Variants in FHIT observed in about 807,000 individuals in gnomAD.
FHIT encodes bis(5'-adenosyl)-triphosphatase.
In FHIT, 19 loss-of-function variants were observed where a neutral mutation model predicts 17.9. That is an observed-to-expected ratio of 1.06 (90% CI 0.74 to 1.56). FHIT has a LOEUF of 1.56. Ranked by LOEUF, FHIT falls within the 40% of genes most tolerant of loss-of-function variation. The pLI is 0.00. For missense variants in FHIT, 248 were observed against 189.2 expected (o/e 1.31, Z -1.82); for synonymous variants, 81 against 69.7 (o/e 1.16, Z -0.81).
intron 5 of FHIT, among the ~76,000 whole-genome samples, chr3:60,211,442 T>A (rs901094280): frequency 6.6e-6 from 1 of 152,156 alleles, no homozygotes; most frequent in African/African-American, 2.4e-5. Context: ...TCATAAATAT[T>A]CTACATAATT....
At chr3:60,964,374 G>A (rs1368239621) in intron 3 of FHIT, among the ~76,000 whole-genome samples, 1 of 151,994 alleles carries the variant, frequency 6.6e-6, no homozygotes, top group African/African-American at 2.4e-5. Context: ...GATGGGTCTT[G>A]ACTCTTTATC....
At chr3:60,124,386 C>CA (rs554881263) in intron 5 of FHIT, among the ~76,000 whole-genome samples, 175 of 150,756 alleles carry the variant, frequency 1.2e-3, no homozygotes, top group East Asian at 1.6e-3. Flanking sequence ...GTCTATCTTT[C>CA]AAAAAAAAAT....
chr3:59,894,935 A>G (rs1051196405), intron 8 of FHIT, among the ~76,000 whole-genome samples: 3 of 152,242 alleles, frequency 2.0e-5, no homozygotes, highest in African/African-American at 7.2e-5. Context: ...CAAACCTGGC[A>G]GGTGATGAGA....
chr3:60,264,047 G>C (rs1414953861), intron 5 of FHIT, among the ~76,000 whole-genome samples: 2 of 151,602 alleles, frequency 1.3e-5, no homozygotes, highest in African/African-American at 4.8e-5. Context: ...GTTAGCTAAG[G>C]GTACCATCAA....
At chr3:59,989,909 C>A (rs661793) in intron 7 of FHIT, among the ~76,000 whole-genome samples, 1 of 152,070 alleles carries the variant, frequency 6.6e-6, no homozygotes, top group South Asian at 2.1e-4. Flanking sequence ...CCTCCCCACT[C>A]TTCCTCCACA....
chr3:60,412,040 T>C, intron 5 of FHIT, among the ~76,000 whole-genome samples: 1 of 152,058 alleles, frequency 6.6e-6, no homozygotes, highest in East Asian at 1.9e-4. Context: ...TGTATTATCT[T>C]CAGAGAAGAT....
intron 7 of FHIT, among the ~76,000 whole-genome samples, chr3:59,940,397 T>C (rs935541570): frequency 1.3e-5 from 2 of 152,188 alleles, no homozygotes; most frequent in African/African-American, 4.8e-5. Flanking sequence ...ATTACTCTAC[T>C]GAAGTCTAAT....
At chr3:60,474,018 A>C (rs2107455798) in intron 5 of FHIT, among the ~76,000 whole-genome samples, 1 of 152,220 alleles carries the variant, frequency 6.6e-6, no homozygotes, top group South Asian at 2.1e-4. Context: ...CATTTAAAGA[A>C]CCTCATACTC....
In FHIT at chr3:61,036,823, C is replaced by T. The variant is rs187083092; in HGVS notation, c.-111+5224G>A. On this transcript the variant is annotated intron_variant, in intron 3 of 9. Coordinates refer to ENST00000492590, the MANE Select transcript of FHIT (RefSeq NM_002012.4). ...AAAGTGAGAACACAGATCAATTACC[C>T]GAGAGTTCTGGGCTTTCTCACTGAC... is the stretch of plus-strand genomic sequence containing the variant. Among the ~76,000 whole-genome samples the T allele has an allele frequency of 1.3e-4, 19 of 151,754 alleles. 1 individual carries two copies. The highest frequency in any genetic ancestry group is 9.8e-4 in the Admixed American group (15 of 15,258).
At chr3:60,071,038 G>C (rs1411344776) in intron 5 of FHIT, among the ~76,000 whole-genome samples, 2 of 152,164 alleles carry the variant, frequency 1.3e-5, no homozygotes, top group African/African-American at 4.8e-5. Context: ...ACCGTAGTCA[G>C]CAAAGCCCCT....
chr3:60,267,193 A>C (rs1362239301), intron 5 of FHIT, among the ~76,000 whole-genome samples: 1 of 152,058 alleles, frequency 6.6e-6, no homozygotes, highest in Non-Finnish European at 1.5e-5. Context: ...TATTACTTAG[A>C]GATACAGAGA....
In FHIT at chr3:60,597,817, T is replaced by A. The variant is rs540794253; in HGVS notation, c.-17-60838A>T. 2.6e-5 allele frequency among the ~76,000 whole-genome samples: 4 copies of A among 152,262 alleles called. No individual in the cohort carries two copies. In the South Asian group the frequency reaches 8.3e-4, roughly 32 times the overall value. ...GTTTTAAAGTTCAAAATGACCAAGC[T>A]ATGCAATTTGTATGCAGAGAAGCTA... On this transcript the variant is annotated intron_variant, in intron 4 of 9. Coordinates refer to ENST00000492590, the MANE Select transcript of FHIT (RefSeq NM_002012.4).
chr3:59,792,552 T>C (rs183121287), intron 8 of FHIT, among the ~76,000 whole-genome samples: 63 of 152,298 alleles, frequency 4.1e-4, no homozygotes, highest in Non-Finnish European at 7.8e-4. Flanking sequence ...AGACAACGTC[T>C]ATGAGCCCTA....
At chr3:60,472,471 C>T (rs1221663637) in intron 5 of FHIT, among the ~76,000 whole-genome samples, 2 of 151,582 alleles carry the variant, frequency 1.3e-5, no homozygotes, top group Non-Finnish European at 1.5e-5. Context: ...CAGGTTCACG[C>T]CATTCTCCTG....
intron 7 of FHIT, among the ~76,000 whole-genome samples, chr3:59,943,398 C>T (rs1045776990): frequency 3.3e-5 from 5 of 152,098 alleles, no homozygotes; most frequent in Admixed American, 3.3e-4. Context: ...GATTATACCT[C>T]AGGGACAAAA....
intron 7 of FHIT, among the ~76,000 whole-genome samples, chr3:59,929,564 G>A (rs1386388589): frequency 2.6e-5 from 4 of 151,438 alleles, no homozygotes; most frequent in African/African-American, 9.7e-5. Flanking sequence ...TAGTACAGAC[G>A]GGGTTCCACC....
At chr3:60,741,521 C>T (rs1553713861) in intron 4 of FHIT, among the ~76,000 whole-genome samples, 1 of 152,204 alleles carries the variant, frequency 6.6e-6, no homozygotes, top group Non-Finnish European at 1.5e-5. Flanking sequence ...GCTGGGACAT[C>T]CCAAGACAGA....
intron 7 of FHIT, among the ~76,000 whole-genome samples, chr3:59,965,564 T>G (rs1707888529): frequency 6.6e-6 from 1 of 152,122 alleles, no homozygotes; most frequent in Non-Finnish European, 1.5e-5. Context: ...TCTTAACAAA[T>G]CCATGAGTGA....
intron 5 of FHIT, among the ~76,000 whole-genome samples, chr3:60,237,727 G>A (rs1029917022): frequency 2.0e-5 from 3 of 152,112 alleles, no homozygotes; most frequent in Non-Finnish European, 2.9e-5. Flanking sequence ...GGTGCCTAAT[G>A]TAACTACCCA....
Sources: gnomAD v4.1 joint callset for allele counts (sites outside exome capture counted in the v4.1 genomes callset) on GRCh38, gnomAD v4.1.1 for gene constraint, MANE v1.5 for transcripts, NCBI Gene and HGNC (gene_info 2026-07-23, HGNC 2026-07-21) for gene names.